The following NR3C2 variants were observed in gnomAD, a reference collection of about 807,000 sequenced individuals.
The protein encoded by NR3C2 is mineralocorticoid receptor.
In NR3C2, 15 loss-of-function variants were observed where a neutral mutation model predicts 86.4. The ratio of observed to expected loss-of-function variants is 0.17; its 90% CI spans 0.12 to 0.27. The LOEUF is 0.27. Among genes scored for constraint, NR3C2 ranks in the 10% least tolerant of loss-of-function variants. The pLI is 1.00. For missense variants in NR3C2, 960 were observed against 1,195.6 expected, an observed-to-expected ratio of 0.80 and a Z score of 2.91; for synonymous variants, 458 against 450.5, an observed-to-expected ratio of 1.02 and a Z score of -0.21.
chr4:148,302,846 C>CAAAA (rs35574035), intron 2 of NR3C2, among the ~76,000 whole-genome samples: 3 of 88,526 alleles, frequency 3.4e-5, no homozygotes, highest in African/African-American at 1.4e-4. Flanking sequence ...AACTCCGTCT[C>CAAAA]AAAAAAAAAA....
At chr4:148,382,347 C>T (rs1276038290) in intron 2 of NR3C2, among the ~76,000 whole-genome samples, 8 of 152,308 alleles carry the variant, frequency 5.3e-5, no homozygotes, top group Admixed American at 1.3e-4. Context: ...AGAATATGGT[C>T]CGTGCACTTA....
chr4:148,432,777 A>T (rs913783019), intron 2 of NR3C2, among the ~76,000 whole-genome samples: 3 of 152,198 alleles, frequency 2.0e-5, no homozygotes, highest in Non-Finnish European at 1.5e-5. Flanking sequence ...GTTAAATTAA[A>T]TATTATAACA....
intron 2 of NR3C2, among the ~76,000 whole-genome samples, chr4:148,372,315 C>T (rs1165347599): frequency 6.6e-6 from 1 of 151,998 alleles, no homozygotes; most frequent in Non-Finnish European, 1.5e-5. Flanking sequence ...AGATACTATA[C>T]TCTTATCTTG....
At chr4:148,433,590 T>A (rs951673814) in intron 2 of NR3C2, among the ~76,000 whole-genome samples, 3 of 152,176 alleles carry the variant, frequency 2.0e-5, no homozygotes, top group Non-Finnish European at 4.4e-5. Flanking sequence ...CTCATTTAAA[T>A]TGTCTTAACT....
chr4:148,385,736 A>G (rs1312265126), intron 2 of NR3C2, among the ~76,000 whole-genome samples: 1 of 152,144 alleles, frequency 6.6e-6, no homozygotes, highest in Non-Finnish European at 1.5e-5. Flanking sequence ...CCTCAGCTGC[A>G]CATACTCCCC....
chr4:148,412,560 T>C (rs1421036258), intron 2 of NR3C2, among the ~76,000 whole-genome samples: 3 of 152,044 alleles, frequency 2.0e-5, no homozygotes, highest in Non-Finnish European at 2.9e-5. Flanking sequence ...AAGAGAAATG[T>C]GGAGAAGGAG....
chr4:148,393,391 G>C (rs76491310), intron 2 of NR3C2, among the ~76,000 whole-genome samples: 32 of 152,312 alleles, frequency 2.1e-4, no homozygotes, highest in African/African-American at 7.7e-4. Context: ...TAGAACTCCA[G>C]AGGTCTTGGG....
At chr4:148,096,552 A>G (rs1313625904) in intron 8 of NR3C2, among the ~76,000 whole-genome samples, 1 of 152,232 alleles carries the variant, frequency 6.6e-6, no homozygotes, top group Non-Finnish European at 1.5e-5. Context: ...TCTCAAGGCA[A>G]TAGATAAGGA....
chr4:148,149,189 A>G (rs550452141), intron 6 of NR3C2, among the ~76,000 whole-genome samples: 1 of 152,338 alleles, frequency 6.6e-6, no homozygotes, highest in East Asian at 1.9e-4. Flanking sequence ...GTTGAGGTCA[A>G]AAGTTTTAAG....
chr4:148,369,932 T>C (rs1012738515), intron 2 of NR3C2, among the ~76,000 whole-genome samples: 8 of 152,234 alleles, frequency 5.3e-5, no homozygotes, highest in Admixed American at 1.3e-4. Flanking sequence ...TGATGGGCAC[T>C]GAGGGGCTGG....
upstream of NR3C2, chr4:148,444,812 C>A (rs1040443165): frequency 3.0e-6 from 3 of 985,078 alleles, no homozygotes; most frequent in Non-Finnish European, 3.6e-6. Context: ...GGGCCCCTCT[C>A]CCGGGGCTGC....
chr4:148,209,896 C>G (rs955487929), intron 3 of NR3C2, among the ~76,000 whole-genome samples: 7 of 152,218 alleles, frequency 4.6e-5, no homozygotes, highest in African/African-American at 1.4e-4. Flanking sequence ...ATCCATGATA[C>G]TGGCCTGATC....
At chr4:148,173,699 T>A (rs551687129) in intron 4 of NR3C2, among the ~76,000 whole-genome samples, 1 of 152,356 alleles carries the variant, frequency 6.6e-6, no homozygotes, top group African/African-American at 2.4e-5. Context: ...AATAGTAAAC[T>A]AATTCCCACA....
chr4:148,122,546 C>G (rs768222420), intron 6 of NR3C2, among the ~76,000 whole-genome samples: 8 of 152,154 alleles, frequency 5.3e-5, no homozygotes, highest in Non-Finnish European at 1.2e-4. Context: ...TGGATGTTCT[C>G]TACCATTTTA....
At chr4:148,086,598 C>T (rs2149706321) in intron 8 of NR3C2, among the ~76,000 whole-genome samples, 1 of 152,152 alleles carries the variant, frequency 6.6e-6, no homozygotes, top group Admixed American at 6.5e-5. Context: ...ATAAATTAGC[C>T]AGGCATGGTG....
intron 2 of NR3C2, among the ~76,000 whole-genome samples, chr4:148,321,951 T>C (rs1033504717): frequency 6.6e-6 from 1 of 152,250 alleles, no homozygotes; most frequent in African/African-American, 2.4e-5. Flanking sequence ...TGCTCATTAT[T>C]TGATGCAGTT....
intron 6 of NR3C2, among the ~76,000 whole-genome samples, chr4:148,134,643 C>CTCTTTTTTT (rs1440338033): frequency 2.5e-5 from 1 of 40,810 alleles, no homozygotes; most frequent in African/African-American, 8.5e-5. Flanking sequence ...CTCTCTCTCT[C>CTCTTTTTTT]TTTTTTTTTT....
At chr4:148,291,370 CA>C (rs1200576355) in intron 2 of NR3C2, among the ~76,000 whole-genome samples, 1 of 151,938 alleles carries the variant, frequency 6.6e-6, no homozygotes, top group Non-Finnish European at 1.5e-5. Flanking sequence ...TACTGATTTC[CA>C]AAAATGTCTC....
At chr4:148,164,701 A>G (rs1219501624) in intron 4 of NR3C2, among the ~76,000 whole-genome samples, 1 of 152,248 alleles carries the variant, frequency 6.6e-6, no homozygotes, top group Non-Finnish European at 1.5e-5. Flanking sequence ...AATTTATTAC[A>G]TGAAACACGA....
Sources: gnomAD v4.1 joint callset for allele counts (sites outside exome capture counted in the v4.1 genomes callset) on GRCh38, gnomAD v4.1.1 for gene constraint, MANE v1.5 for transcripts, NCBI Gene and HGNC (gene_info 2026-07-23, HGNC 2026-07-21) for gene names.